Variants in ASIC2 observed in about 807,000 individuals in gnomAD.
ASIC2 encodes acid-sensing ion channel 2.
In ASIC2, 25 loss-of-function variants were observed where a neutral mutation model predicts 57.3. That is an observed-to-expected ratio of 0.44 (90% CI 0.32 to 0.61). The LOEUF is 0.61. Among genes scored for constraint, ASIC2 ranks in the 20% least tolerant of loss-of-function variants. The probability of loss-of-function intolerance (pLI) is 0.06; values close to 1 mark genes in which losing one functional copy is unlikely to be tolerated. For synonymous variants in ASIC2, 319 were observed against 307.5 expected (o/e 1.04, Z -0.39); for missense variants, 641 against 738.1 (o/e 0.87, Z 1.52).
intron 1 of ASIC2, among the ~76,000 whole-genome samples, chr17:34,135,907 T>C (rs866283484): frequency 3.3e-5 from 5 of 152,256 alleles, no homozygotes; most frequent in Non-Finnish European, 4.4e-5. Flanking sequence ...AATGTGGTCA[T>C]GTCATTGAGA....
At chr17:33,335,960 T>C (rs1242921695) in intron 1 of ASIC2, among the ~76,000 whole-genome samples, 1 of 152,146 alleles carries the variant, frequency 6.6e-6, no homozygotes, top group Non-Finnish European at 1.5e-5. Flanking sequence ...AGGGGTGATA[T>C]TTGAGTCTCC....
chr17:33,700,883 A>G (rs1050348272), intron 1 of ASIC2, among the ~76,000 whole-genome samples: 2 of 152,166 alleles, frequency 1.3e-5, no homozygotes, highest in Non-Finnish European at 2.9e-5. Context: ...CCAAATGACC[A>G]TGAGAAAATC....
At chr17:33,716,300 A>G (rs1175311349) in intron 1 of ASIC2, among the ~76,000 whole-genome samples, 1 of 152,184 alleles carries the variant, frequency 6.6e-6, no homozygotes, top group Non-Finnish European at 1.5e-5. Flanking sequence ...TCTTACGGAT[A>G]AAGACTCAAA....
At chr17:33,879,463 T>C (rs2141938433) in intron 1 of ASIC2, among the ~76,000 whole-genome samples, 1 of 152,258 alleles carries the variant, frequency 6.6e-6, no homozygotes, top group South Asian at 2.1e-4. Flanking sequence ...TCCTAGTCAC[T>C]GATAAAACAG....
intron 1 of ASIC2, among the ~76,000 whole-genome samples, chr17:33,702,499 G>A (rs959508719): frequency 2.0e-5 from 3 of 152,124 alleles, no homozygotes; most frequent in South Asian, 2.1e-4. Flanking sequence ...CAGAGCCAGC[G>A]TCACACCTTT....
At chr17:33,322,435 T>A (rs562829982) in intron 1 of ASIC2, among the ~76,000 whole-genome samples, 1 of 152,274 alleles carries the variant, frequency 6.6e-6, no homozygotes, top group South Asian at 2.1e-4. Context: ...GTAATTCCCA[T>A]CGGTTCATTG....
At chr17:33,702,711 A>G (rs1409969333) in intron 1 of ASIC2, among the ~76,000 whole-genome samples, 2 of 152,312 alleles carry the variant, frequency 1.3e-5, no homozygotes, top group East Asian at 3.9e-4. Context: ...ACTGCAATCT[A>G]CTTCTTATAA....
At chr17:33,926,332 G>A (rs928210456) in intron 1 of ASIC2, among the ~76,000 whole-genome samples, 2 of 152,060 alleles carry the variant, frequency 1.3e-5, no homozygotes, top group African/African-American at 2.4e-5. Flanking sequence ...GGGACCAGAC[G>A]TATTTTGAAT....
intron 1 of ASIC2, among the ~76,000 whole-genome samples, chr17:33,746,467 T>TACATACATAC (rs1271705704): frequency 1.3e-5 from 2 of 150,832 alleles, no homozygotes; most frequent in Admixed American, 1.3e-4. Context: ...TGTATATGTG[T>TACATACATAC]ATATGTATGT....
intron 1 of ASIC2, among the ~76,000 whole-genome samples, chr17:33,782,770 T>A (rs1286268460): frequency 6.6e-6 from 1 of 152,124 alleles, no homozygotes; most frequent in Non-Finnish European, 1.5e-5. Flanking sequence ...TATGAGCTGA[T>A]CATGGACCTC....
chr17:33,276,031 C>G (rs1159394547), intron 1 of ASIC2, among the ~76,000 whole-genome samples: 2 of 152,074 alleles, frequency 1.3e-5, no homozygotes, highest in African/African-American at 4.8e-5. Context: ...AGTTTTTCAG[C>G]ACCAGACTGG....
At chr17:33,189,915 G>C (rs932238763) in intron 1 of ASIC2, among the ~76,000 whole-genome samples, 1 of 152,096 alleles carries the variant, frequency 6.6e-6, no homozygotes, top group East Asian at 1.9e-4. Context: ...GGATATAGAA[G>C]ACTTGGATAA....
At chr17:33,837,720 G>A (rs774968663) in intron 1 of ASIC2, among the ~76,000 whole-genome samples, 50 of 151,954 alleles carry the variant, frequency 3.3e-4, no homozygotes, top group Non-Finnish European at 5.0e-4. Context: ...TGTTAACAAC[G>A]AAAAACAAAA....
At chr17:33,782,256 A>AT (rs927279653) in intron 1 of ASIC2, among the ~76,000 whole-genome samples, 68 of 150,444 alleles carry the variant, frequency 4.5e-4, no homozygotes, top group African/African-American at 1.6e-3. Flanking sequence ...CCTTTATCTT[A>AT]TTTTTTTCCC....
intron 8 of ASIC2, among the ~76,000 whole-genome samples, chr17:33,016,728 G>A (rs1020651999): frequency 1.3e-5 from 2 of 151,992 alleles, no homozygotes; most frequent in Admixed American, 6.5e-5. Flanking sequence ...AGCCCCCTCC[G>A]AGAGACAGAA....
intron 1 of ASIC2, among the ~76,000 whole-genome samples, chr17:33,642,428 A>G (rs1159993540): frequency 6.6e-6 from 1 of 152,182 alleles, no homozygotes; most frequent in Non-Finnish European, 1.5e-5. Context: ...AAGTGGAGAA[A>G]GTTCCAAAGT....
chr17:33,851,810 G>A (rs317409), intron 1 of ASIC2, among the ~76,000 whole-genome samples: 1 of 152,048 alleles, frequency 6.6e-6, no homozygotes, highest in Admixed American at 6.5e-5. Context: ...AACCACTGCT[G>A]TCAATGGACA....
intron 1 of ASIC2, among the ~76,000 whole-genome samples, chr17:33,411,472 C>G (rs762306425): frequency 2.6e-5 from 4 of 152,160 alleles, no homozygotes; most frequent in Non-Finnish European, 4.4e-5. Flanking sequence ...TTTCAAACAG[C>G]CTCCCTTACT....
intron 1 of ASIC2, among the ~76,000 whole-genome samples, chr17:33,662,520 G>A (rs1040319609): frequency 1.3e-5 from 2 of 151,682 alleles, no homozygotes; most frequent in Non-Finnish European, 2.9e-5. Context: ...CTACTCAGGA[G>A]ACTGAGGCAG....
Sources: gnomAD v4.1 joint callset for allele counts (sites outside exome capture counted in the v4.1 genomes callset) on GRCh38, gnomAD v4.1.1 for gene constraint, MANE v1.5 for transcripts, NCBI Gene and HGNC (gene_info 2026-07-23, HGNC 2026-07-21) for gene names.